Variants in XKR6 observed in about 807,000 individuals in gnomAD.
XKR6 encodes the protein XK related 6, also known as XK-related protein 6.
In XKR6, 22 loss-of-function variants were observed where a neutral mutation model predicts 56.7. The observed-to-expected ratio is 0.39, with a 90% CI of 0.28 to 0.55. The LOEUF (loss-of-function observed/expected upper bound fraction) is 0.55. Ranked by LOEUF, XKR6 falls within the 20% of genes least tolerant of loss-of-function variation. The probability of loss-of-function intolerance (pLI) is 0.66; values close to 1 mark genes in which losing one functional copy is unlikely to be tolerated. For synonymous variants in XKR6, 524 were observed against 387.8 expected (o/e 1.35, Z -4.13); for missense variants, 852 against 889.0 (o/e 0.96, Z 0.53).
intron 1 of XKR6, among the ~76,000 whole-genome samples, chr8:11,082,910 T>G (rs1056030073): frequency 1.3e-5 from 2 of 152,200 alleles, no homozygotes; most frequent in Non-Finnish European, 2.9e-5. Flanking sequence ...TTCTATTATT[T>G]CTATTTCTGT....
chr8:11,192,253 G>A (rs952637203), intron 1 of XKR6, among the ~76,000 whole-genome samples: 1 of 152,034 alleles, frequency 6.6e-6, no homozygotes, highest in Non-Finnish European at 1.5e-5. Flanking sequence ...CCGCCTCCCG[G>A]GTTCAAGCGA....
rs1472628231 is a variant in XKR6 at position 10,896,429 on chromosome 8, G to A, written c.*1523C>T. On this transcript the variant is annotated 3_prime_UTR_variant, in exon 3 of 3. Transcript: ENST00000416569. ...GCAGCATCACTTCCCCACCACTCCA[G>A]AGCCCCCGCCCCCATGCTCTGCTGA... 1 of 152,458 alleles carries A rather than the reference G, an allele frequency of 6.6e-6. No individual in the cohort carries two copies. Among genetic ancestry groups the A allele is most frequent in the Non-Finnish European group, 1.5e-5 (1 of 68,024 alleles). The allele number at this position is 152,458 out of a possible 1,614,324, so 9.4% of individuals were successfully genotyped here. A position where few individuals can be genotyped will look rare whatever the true frequency, so the allele number is the denominator to read the frequency against.
chr8:11,169,163 T>C (rs1802237930), intron 1 of XKR6, among the ~76,000 whole-genome samples: 1 of 151,960 alleles, frequency 6.6e-6, no homozygotes, highest in African/African-American at 2.4e-5. Context: ...AAATCTAGCC[T>C]CATAGTTGGC....
At chr8:11,072,686 T>G (rs1176004027) in intron 1 of XKR6, among the ~76,000 whole-genome samples, 3 of 152,168 alleles carry the variant, frequency 2.0e-5, no homozygotes, top group Admixed American at 6.5e-5. Flanking sequence ...GGGGGTACAC[T>G]GGTGGTCAGA....
At chr8:11,197,817 G>C (rs1803972611) in intron 1 of XKR6, among the ~76,000 whole-genome samples, 1 of 152,194 alleles carries the variant, frequency 6.6e-6, no homozygotes, top group African/African-American at 2.4e-5. Flanking sequence ...GCAAGATGCA[G>C]AGAAGTGCCC....
At chr8:11,000,557 C>A (rs545911315) in intron 1 of XKR6, among the ~76,000 whole-genome samples, 1 of 152,096 alleles carries the variant, frequency 6.6e-6, no homozygotes, top group Non-Finnish European at 1.5e-5. Flanking sequence ...CAGTGGCACA[C>A]GCCTGTAGTC....
intron 1 of XKR6, among the ~76,000 whole-genome samples, chr8:10,988,442 C>A (rs10216517): frequency 6.6e-6 from 1 of 152,190 alleles, no homozygotes; most frequent in Non-Finnish European, 1.5e-5. Context: ...AAATCCCTGG[C>A]GTGCCTTACA....
intron 1 of XKR6, among the ~76,000 whole-genome samples, chr8:11,166,167 GCCATACTATTC>G (rs1802060208): frequency 6.6e-6 from 1 of 152,076 alleles, no homozygotes; most frequent in Non-Finnish European, 1.5e-5. Flanking sequence ...ATGTTGGCCA[GCCATACTATTC>G]ACTGAAGAGG....
chr8:10,945,585 G>C (rs1316066822), intron 1 of XKR6, among the ~76,000 whole-genome samples: 1 of 152,180 alleles, frequency 6.6e-6, no homozygotes, highest in East Asian at 1.9e-4. Flanking sequence ...CTCCCAGAAG[G>C]ACAGAGACCA....
intron 1 of XKR6, among the ~76,000 whole-genome samples, chr8:11,028,755 G>A (rs1268278216): frequency 6.6e-6 from 1 of 152,220 alleles, no homozygotes; most frequent in Non-Finnish European, 1.5e-5. Flanking sequence ...GAACTGGGCA[G>A]AGGTCTTTCC....
At chr8:11,146,034 T>C (rs950194396) in intron 1 of XKR6, among the ~76,000 whole-genome samples, 3 of 151,960 alleles carry the variant, frequency 2.0e-5, no homozygotes, top group Non-Finnish European at 4.4e-5. Context: ...CGGAAATACA[T>C]ATTTATGGTC....
chr8:11,089,524 C>T (rs1435347089), intron 1 of XKR6, among the ~76,000 whole-genome samples: 1 of 152,114 alleles, frequency 6.6e-6, no homozygotes, highest in African/African-American at 2.4e-5. Flanking sequence ...ATAGTCCCAG[C>T]TACAAGGGAG....
intron 1 of XKR6, among the ~76,000 whole-genome samples, chr8:11,120,354 C>G (rs1477933743): frequency 6.6e-6 from 1 of 152,188 alleles, no homozygotes; most frequent in African/African-American, 2.4e-5. Context: ...GATACAAAAT[C>G]AATGCGCAAA....
At chr8:11,167,085 G>A (rs1212756474) in intron 1 of XKR6, among the ~76,000 whole-genome samples, 1 of 152,112 alleles carries the variant, frequency 6.6e-6, no homozygotes, top group Non-Finnish European at 1.5e-5. Flanking sequence ...GAACAAGGCT[G>A]ACTGGGAGAT....
At chr8:11,055,774 C>T (rs529006258) in intron 1 of XKR6, among the ~76,000 whole-genome samples, 1 of 151,866 alleles carries the variant, frequency 6.6e-6, no homozygotes, top group African/African-American at 2.4e-5. Context: ...AGAGGCAGCA[C>T]AGCGGGCCCC....
intron 1 of XKR6, among the ~76,000 whole-genome samples, chr8:10,931,535 G>A (rs1801048761): frequency 6.6e-6 from 1 of 152,166 alleles, no homozygotes; most frequent in Non-Finnish European, 1.5e-5. Flanking sequence ...CTACAGCACA[G>A]TGTAGCATTG....
chr8:10,997,540 A>G (rs1204390619), intron 1 of XKR6, among the ~76,000 whole-genome samples: 1 of 152,226 alleles, frequency 6.6e-6, no homozygotes, highest in Non-Finnish European at 1.5e-5. Context: ...AGATGCATGT[A>G]CAGAGTTTCT....
intron 1 of XKR6, among the ~76,000 whole-genome samples, chr8:11,044,439 C>G (rs751998693): frequency 2.0e-5 from 3 of 152,132 alleles, no homozygotes; most frequent in Non-Finnish European, 4.4e-5. Context: ...CTGCAGTTTG[C>G]GATCTCCTTC....
At chr8:11,021,529 G>C (rs1318682167) in intron 1 of XKR6, among the ~76,000 whole-genome samples, 2 of 152,046 alleles carry the variant, frequency 1.3e-5, no homozygotes, top group Non-Finnish European at 2.9e-5. Flanking sequence ...TTCATTAGTA[G>C]CTTCTAGCCT....
Sources: gnomAD v4.1 joint callset for allele counts (sites outside exome capture counted in the v4.1 genomes callset) on GRCh38, gnomAD v4.1.1 for gene constraint, MANE v1.5 for transcripts, NCBI Gene and HGNC (gene_info 2026-07-23, HGNC 2026-07-21) for gene names.